Variants in CSMD2 observed in about 807,000 individuals in gnomAD.
CSMD2 encodes CUB and sushi domain-containing protein 2.
In CSMD2, 130 loss-of-function variants were observed where a neutral mutation model predicts 398.5. The ratio of observed to expected loss-of-function variants is 0.33; its 90% confidence interval spans 0.28 to 0.38. CSMD2 has a LOEUF of 0.38. Ranked by LOEUF, CSMD2 falls within the 10% of genes least tolerant of loss-of-function variation. The pLI, the probability that CSMD2 is intolerant of heterozygous loss-of-function variation, is 1.00. For synonymous variants in CSMD2, 1,828 were observed against 1,908.5 expected (o/e 0.96, Z 1.10); for missense variants, 3,829 against 4,764.9 (o/e 0.80, Z 5.78).
chr1:33,944,230 G>GCC (rs35597190), intron 3 of CSMD2, among the ~76,000 whole-genome samples: 47 of 146,862 alleles, frequency 3.2e-4, no homozygotes, highest in African/African-American at 1.0e-3. Flanking sequence ...TCTCAGGAAC[G>GCC]CCCCCCCCCC....
intron 2 of CSMD2, among the ~76,000 whole-genome samples, chr1:34,073,116 C>T (rs778083204): frequency 2.1e-4 from 32 of 152,324 alleles, no homozygotes; most frequent in African/African-American, 3.4e-4. Flanking sequence ...CAATGATCAG[C>T]GGGTTTTGTC....
At chr1:33,616,834 T>A in intron 39 of CSMD2, 72 bp downstream of exon 39, 1 of 1,176,048 alleles carries the variant, frequency 8.5e-7, no homozygotes, top group South Asian at 1.3e-5. Context: ...TTGAACTCAA[T>A]GATACACTAC....
At chr1:33,780,171 C>A (rs1326419173) in intron 12 of CSMD2, among the ~76,000 whole-genome samples, 1 of 152,150 alleles carries the variant, frequency 6.6e-6, no homozygotes, top group African/African-American at 2.4e-5. Context: ...ATCTCCAGAA[C>A]CAAGCCCAGT....
At chr1:34,067,860 T>A (rs1655283262) in intron 2 of CSMD2, among the ~76,000 whole-genome samples, 1 of 152,184 alleles carries the variant, frequency 6.6e-6, no homozygotes, top group Admixed American at 6.5e-5. Flanking sequence ...CCCTTCTGGC[T>A]CCCACTTACA....
chr1:33,945,486 C>T (rs977396090), intron 3 of CSMD2, among the ~76,000 whole-genome samples: 3 of 152,088 alleles, frequency 2.0e-5, no homozygotes, highest in Non-Finnish European at 4.4e-5. Context: ...AGAGCTAGAC[C>T]CTGCCTTTAA....
chr1:33,875,652 G>C (rs1330245676), intron 5 of CSMD2: 2 of 152,262 alleles, frequency 1.3e-5, no homozygotes, highest in Non-Finnish European at 2.9e-5. Context: ...GAGGGTTCAA[G>C]GAAGCAGAGC....
chr1:33,673,443 A>T (rs1175999521), intron 25 of CSMD2, among the ~76,000 whole-genome samples: 1 of 152,248 alleles, frequency 6.6e-6, no homozygotes, highest in Non-Finnish European at 1.5e-5. Context: ...CAAAGCTTCC[A>T]AGAAATATGG....
chr1:33,570,166 CTTTTTTTT>C (rs5773416), intron 51 of CSMD2, among the ~76,000 whole-genome samples: 1 of 117,290 alleles, frequency 8.5e-6, no homozygotes, highest in East Asian at 2.6e-4. Flanking sequence ...CGGACATTGG[CTTTTTTTT>C]TTTTTTTTTT....
chr1:33,692,374 T>C (rs1477965356), intron 25 of CSMD2, among the ~76,000 whole-genome samples: 2 of 152,196 alleles, frequency 1.3e-5, no homozygotes, highest in African/African-American at 4.8e-5. Flanking sequence ...CTGTCCTCAT[T>C]TTAAAGATGA....
intron 4 of CSMD2, among the ~76,000 whole-genome samples, chr1:33,928,497 A>T (rs545734321): frequency 1.1e-4 from 16 of 152,334 alleles, no homozygotes; most frequent in African/African-American, 3.8e-4. Context: ...CCTCACTGCC[A>T]ACTTATGAGT....
intron 49 of CSMD2, among the ~76,000 whole-genome samples, chr1:33,576,453 T>C (rs1322950449): frequency 6.6e-6 from 1 of 152,078 alleles, no homozygotes. Flanking sequence ...TAGCCAGGCA[T>C]GGTGGCGGGT....
At chr1:33,558,048 C>T (rs1658201767) in intron 54 of CSMD2, 126 bp from the exon 55 acceptor site, 2 of 775,778 alleles carry the variant, frequency 2.6e-6, no homozygotes, top group South Asian at 1.7e-5. Context: ...TGGACTTCTC[C>T]CCTCACCTTG....
intron 1 of CSMD2, among the ~76,000 whole-genome samples, chr1:34,115,976 C>T (rs1661563417): frequency 6.6e-6 from 1 of 151,700 alleles, no homozygotes; most frequent in Admixed American, 6.6e-5. Context: ...TATAAGAAAT[C>T]AAAGAATGTC....
intron 3 of CSMD2, among the ~76,000 whole-genome samples, chr1:34,017,725 G>A (rs1384037793): frequency 2.0e-5 from 3 of 152,118 alleles, no homozygotes; most frequent in Admixed American, 6.6e-5. Flanking sequence ...CTCCAGCCTG[G>A]GTGACAGAGT....
At chr1:33,978,943 G>A (rs1328544277) in intron 3 of CSMD2, among the ~76,000 whole-genome samples, 6 of 152,136 alleles carry the variant, frequency 3.9e-5, no homozygotes, top group Non-Finnish European at 7.3e-5. Context: ...GGAAACTGAC[G>A]CACAGAGAGT....
rs1571320551 is a variant in CSMD2, at chr1:34,164,860, C to T, written c.187+51G>A. ...GGGTCGAGGATGGGTGGGCTCGGGGCTCGGGTGGGGCGCGCGGCGGCCGCT... is the reference window on the plus strand; with the variant it reads ...GGGTCGAGGATGGGTGGGCTCGGGGTTCGGGTGGGGCGCGCGGCGGCCGCT... On this transcript the variant is annotated intron_variant, in intron 1 of 70. Transcript: ENST00000373381. This position sits in a 1 kb window ranked among gnomAD's most constrained non-coding sequence, Gnocchi z 6.2. The T allele has an allele frequency of 8.3e-7, 1 of 1,202,120 alleles. No homozygotes were observed. Among genetic ancestry groups the T allele is most frequent in the Non-Finnish European group, 1.0e-6 (1 of 969,336 alleles). The allele number at this position is 1,202,120 out of a possible 1,614,324, so 74.5% of individuals were successfully genotyped here.
Position 33,602,424 on chromosome 1 carries a change from G to A in CSMD2, c.6655C>T (p.Arg2219Cys), listed in dbSNP as rs144426100. The A allele has an allele frequency of 1.4e-5, 22 of 1,613,974 alleles. No homozygotes were observed. Among genetic ancestry groups the A allele is most frequent in the East Asian group, 2.2e-5 (1 of 44,882 alleles). The change falls in exon 43 of 71, where the codon CGC becomes TGC. Residue 2219 changes from arginine to cysteine, a missense_variant. Physicochemically the swap from Arg to Cys is radical, Grantham distance 180. Around this residue, in one of 5 missense-constraint regions of CSMD2, gnomAD observed 723 missense variants for 758.6 expected, o/e 0.95. Coordinates refer to ENST00000373381, the MANE Select transcript of CSMD2 (RefSeq NM_001281956.2). Reference protein sequence around the residue: ...LITVPIGHGVRLNLSLLQTEP... With the variant: ...LITVPIGHGVCLNLSLLQTEP... ...GTCTGCAGCAGGCTGAGGTTGAGGC[G>A]GACGCCATGGCCAATGGGCACGGTG...
At position 33,825,698 on chromosome 1, in the gene CSMD2, C is replaced by T; in HGVS notation, c.1110G>A (p.Val370=). Residue 370 remains valine (V), a splice_region_variant and synonymous_variant, in exon 7 of 71, where the codon GTG becomes GTA. Coordinates refer to ENST00000373381, the MANE Select transcript of CSMD2 (RefSeq NM_001281956.2). ...GCGGGCTGGCGGGCGGACACTTACA[C>T]ACAGACGTCTTCTGGCTGTTGTCTT... The part of the protein sequence containing the change: ...PSKDNSQKTS[V]LTQVGVSQGH... The T allele has an allele frequency of 1.2e-6, 2 of 1,607,948 alleles. No individual in the cohort carries two copies. Among genetic ancestry groups the T allele is most frequent in the Non-Finnish European group, 1.7e-6 (2 of 1,177,210 alleles).
intron 5 of CSMD2, among the ~76,000 whole-genome samples, chr1:33,860,195 A>G (rs1200251275): frequency 6.6e-6 from 1 of 152,132 alleles, no homozygotes; most frequent in South Asian, 2.1e-4. Flanking sequence ...AGCATCTCTC[A>G]TTGCATTTGT....
Sources: allele counts gnomAD v4.1 joint callset (sites outside exome capture counted in the v4.1 genomes callset), GRCh38; gene constraint gnomAD v4.1.1; regional missense constraint gnomAD v4.1.1; non-coding constraint Gnocchi (gnomAD v3.1); transcripts MANE v1.5; gene names NCBI Gene and HGNC (gene_info 2026-07-23, HGNC 2026-07-21).